Variants in SMYD3 observed in about 807,000 individuals in gnomAD.
SMYD3 encodes histone-lysine N-methyltransferase SMYD3.
A neutral mutation model predicts 57.7 loss-of-function variants in SMYD3; 36 were observed. The observed-to-expected ratio is 0.62, with a 90% CI of 0.48 to 0.82. The LOEUF is 0.82. Ranked by LOEUF, SMYD3 falls within the 40% of genes least tolerant of loss-of-function variation. The probability of loss-of-function intolerance (pLI) is 0.00; values close to 1 mark genes in which losing one functional copy is unlikely to be tolerated. For missense variants in SMYD3, 515 were observed against 538.8 expected, an observed-to-expected ratio of 0.96 and a Z score of 0.44; for synonymous variants, 211 against 195.0, an observed-to-expected ratio of 1.08 and a Z score of -0.68.
chr1:245,871,725 T>G (rs1036665021), intron 8 of SMYD3, among the ~76,000 whole-genome samples: 3 of 152,154 alleles, frequency 2.0e-5, no homozygotes, highest in African/African-American at 7.2e-5. Flanking sequence ...CCCAATTTCT[T>G]CAGTGGTAAC....
chr1:245,925,174 G>T (rs1461961192), intron 7 of SMYD3, among the ~76,000 whole-genome samples: 2 of 151,996 alleles, frequency 1.3e-5, no homozygotes, highest in Non-Finnish European at 2.9e-5. Flanking sequence ...TTACCAAAAT[G>T]TCTAAAATTT....
In SMYD3 at chr1:246,003,771, A is replaced by C. The variant is rs867957901; in HGVS notation, c.532-73834T>G. On this transcript the variant is annotated intron_variant, in intron 5 of 11. Coordinates refer to ENST00000490107, the MANE Select transcript of SMYD3 (RefSeq NM_001167740.2). Reference sequence around the variant, plus strand: ...TGTAATATAAATATCTCACACATCTAGTCATTAAACACTAATATTTACTTT... The same window carrying C: ...TGTAATATAAATATCTCACACATCTCGTCATTAAACACTAATATTTACTTT... 4.6e-5 allele frequency among the ~76,000 whole-genome samples: 7 copies of C among 152,364 alleles called. No homozygotes were observed. In the Middle Eastern group the frequency reaches 0.01, roughly 222 times the overall value.
chr1:245,866,637 C>G (rs2051867339), intron 8 of SMYD3, among the ~76,000 whole-genome samples: 1 of 152,102 alleles, frequency 6.6e-6, no homozygotes, highest in Non-Finnish European at 1.5e-5. Context: ...GAGGCTGAGG[C>G]AGGAGAATGG....
At position 246,203,774 on chromosome 1, in the gene SMYD3, G is replaced by A. The variant is rs114793885; in HGVS notation, c.531+123427C>T. 1.6e-3 allele frequency among the ~76,000 whole-genome samples: 241 copies of A among 152,220 alleles called. No individual in the cohort carries two copies. Among genetic ancestry groups the A allele is most frequent in the African/African-American group, 5.7e-3 (236 of 41,536 alleles). On this transcript the variant is annotated intron_variant, in intron 5 of 11. Coordinates refer to ENST00000490107, the MANE Select transcript of SMYD3 (RefSeq NM_001167740.2). This position sits in a 1 kb window ranked among gnomAD's most constrained non-coding sequence, Gnocchi z 4.6. ...GCCCAGAACACACTCTCCTTCTCCT[G>A]GGTTTCTCACTTGCTCCTGGCTCTT...
At chr1:246,284,665 C>T (rs1478234448) in intron 5 of SMYD3, among the ~76,000 whole-genome samples, 1 of 152,142 alleles carries the variant, frequency 6.6e-6, no homozygotes, top group Non-Finnish European at 1.5e-5. Flanking sequence ...ATCCGCCCAC[C>T]TCAGCCTCCC....
chr1:246,460,993 A>T (rs1272897357), intron 1 of SMYD3, among the ~76,000 whole-genome samples: 1 of 152,256 alleles, frequency 6.6e-6, no homozygotes, highest in African/African-American at 2.4e-5. Flanking sequence ...ACAAGCCATG[A>T]CAAGTTAGCC....
At chr1:246,071,500 T>C (rs2060442885) in intron 5 of SMYD3, among the ~76,000 whole-genome samples, 1 of 152,204 alleles carries the variant, frequency 6.6e-6, no homozygotes, top group Non-Finnish European at 1.5e-5. Context: ...TCACAAGTAG[T>C]GATTACTGAG....
chr1:246,315,793 G>A (rs10924688), intron 5 of SMYD3, among the ~76,000 whole-genome samples: 21,467 of 152,158 alleles, frequency 0.14, 2,056 homozygotes, highest in East Asian at 0.39. Context: ...GAAGATAGAA[G>A]GAAGACTCTT....
intron 5 of SMYD3, among the ~76,000 whole-genome samples, chr1:246,075,518 G>T (rs2060531131): frequency 6.6e-6 from 1 of 152,136 alleles, no homozygotes; most frequent in Admixed American, 6.5e-5. Context: ...AAAATTGTCT[G>T]CAAGAATAAA....
At chr1:246,398,195 C>T (rs1014363104) in intron 1 of SMYD3, among the ~76,000 whole-genome samples, 1 of 152,228 alleles carries the variant, frequency 6.6e-6, no homozygotes, top group Non-Finnish European at 1.5e-5. Flanking sequence ...GAATTTCAGG[C>T]TCTTCCCATC....
chr1:245,840,151 T>C (rs1301719463), intron 10 of SMYD3, among the ~76,000 whole-genome samples: 1 of 151,804 alleles, frequency 6.6e-6, no homozygotes, highest in African/African-American at 2.4e-5. Flanking sequence ...AAGGAAAAAA[T>C]AGGGAAAACT....
intron 1 of SMYD3, among the ~76,000 whole-genome samples, chr1:246,424,215 A>C (rs954015972): frequency 6.6e-6 from 1 of 152,140 alleles, no homozygotes; most frequent in African/African-American, 2.4e-5. Context: ...GAATAGAAGT[A>C]AACTATTGTA....
intron 5 of SMYD3, among the ~76,000 whole-genome samples, chr1:246,082,003 C>T (rs1055818667): frequency 9.9e-5 from 15 of 152,186 alleles, no homozygotes; most frequent in African/African-American, 2.9e-4. Flanking sequence ...AAGATCATGA[C>T]GGTGAGAGGA....
intron 1 of SMYD3, among the ~76,000 whole-genome samples, chr1:246,396,852 G>T (rs2066682665): frequency 6.6e-6 from 1 of 152,224 alleles, no homozygotes; most frequent in African/African-American, 2.4e-5. Context: ...GCTGATGAAA[G>T]CTCTTTTCTT....
intron 5 of SMYD3, among the ~76,000 whole-genome samples, chr1:246,256,057 A>C (rs934945657): frequency 6.6e-6 from 1 of 152,122 alleles, no homozygotes; most frequent in Non-Finnish European, 1.5e-5. Flanking sequence ...TTTGTTAAGT[A>C]TTAACTTACA....
At chr1:246,445,291 C>T (rs1039821652) in intron 1 of SMYD3, among the ~76,000 whole-genome samples, 2 of 152,148 alleles carry the variant, frequency 1.3e-5, no homozygotes, top group African/African-American at 2.4e-5. Context: ...GAGTGTAAAT[C>T]ACTGCCCATT....
At chr1:246,146,662 C>G (rs1165023713) in intron 5 of SMYD3, among the ~76,000 whole-genome samples, 2 of 152,048 alleles carry the variant, frequency 1.3e-5, no homozygotes, top group Non-Finnish European at 2.9e-5. Context: ...TGTGGAGAAC[C>G]AGTCTGGGAA....
intron 10 of SMYD3, among the ~76,000 whole-genome samples, chr1:245,815,750 T>A (rs1458458118): frequency 1.3e-5 from 2 of 152,230 alleles, no homozygotes; most frequent in African/African-American, 4.8e-5. Flanking sequence ...ACAGCCACTG[T>A]CTCACTGAAT....
At chr1:246,243,941 G>A (rs12141558) in intron 5 of SMYD3, among the ~76,000 whole-genome samples, 24,129 of 140,684 alleles carry the variant, frequency 0.17, 3,042 homozygotes, top group East Asian at 0.54. Flanking sequence ...TGGGCATGGT[G>A]GCAAATGTCT....
Sources: allele counts gnomAD v4.1 joint callset (sites outside exome capture counted in the v4.1 genomes callset), GRCh38; gene constraint gnomAD v4.1.1; non-coding constraint Gnocchi (gnomAD v3.1); transcripts MANE v1.5; gene names NCBI Gene and HGNC (gene_info 2026-07-23, HGNC 2026-07-21).